Variants in CCDC14 observed in about 807,000 individuals in gnomAD.
The protein encoded by CCDC14 is coiled-coil domain containing 14.
In CCDC14, 71 loss-of-function variants were observed where a neutral mutation model predicts 81.4. That is an observed-to-expected ratio of 0.87 (90% CI 0.72 to 1.06). The LOEUF is 1.06. CCDC14 is among the 50% of genes least tolerant of loss of function. The pLI is 0.00. For missense variants in CCDC14, 1,046 were observed against 1,047.3 expected (o/e 1.00, Z 0.02); for synonymous variants, 332 against 364.8 (o/e 0.91, Z 1.03).
At chr3:123,946,721 C>A in intron 8 of CCDC14, 82 bp downstream of exon 8, 1 of 1,313,898 alleles carries the variant, frequency 7.6e-7, no homozygotes, top group Admixed American at 2.3e-5. Context: ...ATACCACAAA[C>A]TCCATTTAAA....
chr3:123,885,933 CTT>C, the CCDC14 span, among the ~76,000 whole-genome samples: 2 of 152,042 alleles, frequency 1.3e-5, no homozygotes, highest in South Asian at 2.1e-4. Flanking sequence ...TGAATACCTG[CTT>C]TTTTTTAAAA....
intron 9 of CCDC14, among the ~76,000 whole-genome samples, chr3:123,941,797 A>G (rs995762801): frequency 2.0e-5 from 3 of 152,060 alleles, no homozygotes; most frequent in Non-Finnish European, 4.4e-5. Flanking sequence ...GTGGTGGCCC[A>G]TAAAATAGTA....
In CCDC14 at chr3:123,947,252, T is replaced by A. The variant is rs866494164; in HGVS notation, c.752A>T (p.Asp251Val). ...GGTATTAAATGAATTCCGTAGAACA[T>A]CAGTACAGGTTGCAGAAACTGTTTT... Reference protein sequence around the residue: ...QGKTVSATCTDVLRNSFNTSP... With the variant: ...QGKTVSATCTVVLRNSFNTSP... The change falls in exon 8 of 13, where the codon GAT becomes GTT. Residue 251 changes from aspartate (D) to valine (V), a missense_variant. Coordinates refer to ENST00000409697, the MANE Select transcript of CCDC14 (RefSeq NM_001366335.1). 9.9e-6 allele frequency: 16 copies of A among 1,613,858 alleles called. No homozygotes were observed. Among genetic ancestry groups the A allele is most frequent in the Non-Finnish European group, 1.4e-5 (16 of 1,179,812 alleles).
intron 2 of CCDC14, 121 bp from the exon 3 acceptor site, chr3:123,956,548 A>G: frequency 1.3e-6 from 1 of 786,080 alleles, no homozygotes; most frequent in South Asian, 1.9e-5. Flanking sequence ...ATGAATTTAT[A>G]AACACATTCT....
Position 123,929,463 on chromosome 3 carries a change from C to G in CCDC14, c.1778+1639G>C, listed in dbSNP as rs148362937. On this transcript the variant is annotated intron_variant, in intron 12 of 12. Transcript: ENST00000409697. ...GACTACAGGCATGCACGACCACGCA[C>G]AGCTAACTTTGGTATTTTTTGTAGA... is the stretch of plus-strand genomic sequence containing the variant. Among the ~76,000 whole-genome samples the G allele has an allele frequency of 6.0e-4, 92 of 152,118 alleles. 2 individuals carry two copies. In the South Asian group the frequency reaches 0.011, roughly 18 times the overall value.
chr3:123,894,608 T>A (rs941872363), downstream of CCDC14, among the ~76,000 whole-genome samples: 1 of 152,240 alleles, frequency 6.6e-6, no homozygotes, highest in Non-Finnish European at 1.5e-5. Context: ...CATTTATTTA[T>A]GTCTTCTTTA....
At chr3:123,901,246 T>TA (rs576824336) in intron 5 of CCDC14, among the ~76,000 whole-genome samples, 3,951 of 135,292 alleles carry the variant, frequency 0.029, 68 homozygotes, top group Non-Finnish European at 0.038. Context: ...AATAAAAAAA[T>TA]AAAAAAAAAA....
chr3:123,958,046 G>A (rs1018455929), intron 1 of CCDC14: 2 of 152,082 alleles, frequency 1.3e-5, no homozygotes, highest in African/African-American at 4.8e-5. Flanking sequence ...TAAAAACTGG[G>A]TTGGTAAGAG....
intron 5 of CCDC14, among the ~76,000 whole-genome samples, chr3:123,901,661 T>C (rs2034182387): frequency 6.6e-6 from 1 of 152,224 alleles, no homozygotes; most frequent in Non-Finnish European, 1.5e-5. Flanking sequence ...AAGGTAGGCA[T>C]ACTCAGCCAT....
chr3:123,949,193 A>AT (rs531137984), intron 5 of CCDC14, 61 bp from the exon 6 acceptor site: 2 of 1,055,546 alleles, frequency 1.9e-6, no homozygotes, highest in Non-Finnish European at 2.8e-6. Context: ...TTACCGTAAG[A>AT]TTTTAAGAGA....
At chr3:123,912,565 C>CTTT (rs2034472808), downstream of CCDC14, among the ~76,000 whole-genome samples, 2 of 152,078 alleles carry the variant, frequency 1.3e-5, no homozygotes, top group South Asian at 2.1e-4. Context: ...GTCAATTTGC[C>CTTT]TCTCCTTTTT....
rs1220783370 is a variant in CCDC14, at chr3:123,961,180, C to T, written c.-7G>A. 1.9e-6 allele frequency: 3 copies of T among 1,551,652 alleles called. No homozygotes were observed. The highest frequency in any genetic ancestry group is 1.2e-5 in the South Asian group (1 of 84,056). On this transcript the variant is annotated 5_prime_UTR_variant, in exon 1 of 13. Coordinates refer to ENST00000409697, the MANE Select transcript of CCDC14 (RefSeq NM_001366335.1). Reference sequence around the variant, plus strand: ...GAGCTCCAGACCTGACCATCTCTCGCCGCCTCAGAGAAGCCCAGACCGAGG... The same window carrying T: ...GAGCTCCAGACCTGACCATCTCTCGTCGCCTCAGAGAAGCCCAGACCGAGG...
chr3:123,953,434 C>T (rs1312166197), intron 5 of CCDC14: 2 of 152,192 alleles, frequency 1.3e-5, no homozygotes, highest in Non-Finnish European at 2.9e-5. Context: ...CCATATCACC[C>T]CAATGGGAAC....
intron 12 of CCDC14, among the ~76,000 whole-genome samples, chr3:123,920,590 T>A (rs531711885): frequency 5.6e-4 from 86 of 152,336 alleles, no homozygotes; most frequent in East Asian, 4.0e-3. Flanking sequence ...GAATACTTTA[T>A]CCAGCAAAAC....
At chr3:123,949,202 G>A (rs2036863028) in intron 5 of CCDC14, 70 bp from the exon 6 acceptor site, 3 of 933,466 alleles carry the variant, frequency 3.2e-6, no homozygotes, top group South Asian at 1.6e-5. Context: ...GATTTTAAGA[G>A]AAGAAAGGGC....
intron 12 of CCDC14, among the ~76,000 whole-genome samples, chr3:123,919,294 G>A (rs909712212): frequency 2.6e-5 from 4 of 152,200 alleles, no homozygotes; most frequent in Non-Finnish European, 5.9e-5. Context: ...CAGTTAAGCA[G>A]TGACTCCATT....
the CCDC14 span, among the ~76,000 whole-genome samples, chr3:123,886,039 T>C: frequency 3.3e-5 from 5 of 152,142 alleles, no homozygotes; most frequent in Non-Finnish European, 5.9e-5. Flanking sequence ...ATATATTTGA[T>C]AGGTTTCCAT....
At position 123,954,945 on chromosome 3, in the gene CCDC14, C is replaced by A. The variant is rs1022807165; in HGVS notation, c.352+898G>T. The A allele has an allele frequency of 3.7e-4, 56 of 152,262 alleles. 1 individual carries two copies. Among genetic ancestry groups the A allele is most frequent in the African/African-American group, 1.3e-3 (54 of 41,558 alleles). The allele number at this position is 152,262 out of a possible 1,614,324, so 9.4% of individuals were successfully genotyped here. A position where few individuals can be genotyped will look rare whatever the true frequency, so the allele number is the denominator to read the frequency against. ...ACAGGTCAAGATAATATAAAGCTAT[C>A]ATTACTGGCCTCCAAGATGAGTTAG... On this transcript the variant is annotated intron_variant, in intron 5 of 12. Coordinates refer to ENST00000409697, the MANE Select transcript of CCDC14 (RefSeq NM_001366335.1).
Position 123,960,831 on chromosome 3 carries a change from A to G in CCDC14, c.30+313T>C, listed in dbSNP as rs147308087. On this transcript the variant is annotated intron_variant, in intron 1 of 12. Coordinates refer to ENST00000409697, the MANE Select transcript of CCDC14 (RefSeq NM_001366335.1). ...AGCAGTAAAAAGTAGTAGACTCTCA[A>G]TCTGCAGGTGACTGAAGCTAGGAGA... Among the ~76,000 whole-genome samples, 406 of 152,252 alleles carry G rather than the reference A, an allele frequency of 2.7e-3. 4 individuals carry two copies. Among genetic ancestry groups the G allele is most frequent in the African/African-American group, 9.1e-3 (376 of 41,530 alleles).
Sources: allele counts gnomAD v4.1 joint callset (sites outside exome capture counted in the v4.1 genomes callset), GRCh38; gene constraint gnomAD v4.1.1; transcripts MANE v1.5; gene names NCBI Gene and HGNC (gene_info 2026-07-23, HGNC 2026-07-21).